MEIS1: variants seen among roughly 807,000 people sequenced by gnomAD.
The protein encoded by MEIS1 is homeobox protein Meis1.
MEIS1 carries 5 observed loss-of-function variants against 50.8 expected under a neutral mutation model. The ratio of observed to expected loss-of-function variants is 0.10; its 90% CI spans 0.05 to 0.21. The LOEUF (loss-of-function observed/expected upper bound fraction) is 0.21. Among genes scored for constraint, MEIS1 ranks in the 10% least tolerant of loss-of-function variants. MEIS1 has a pLI of 1.00. For missense variants in MEIS1, 318 were observed against 517.3 expected (o/e 0.61, Z 3.74); for synonymous variants, 176 against 179.3 (o/e 0.98, Z 0.15).
At chr2:66,523,112 A>C (rs1448826856) in intron 8 of MEIS1, among the ~76,000 whole-genome samples, 9 of 152,236 alleles carry the variant, frequency 5.9e-5, no homozygotes, top group Non-Finnish European at 1.0e-4. Flanking sequence ...ATAGCAATTT[A>C]AGGGAAATAT....
rs554392518 is a variant in MEIS1 at position 66,531,813 on chromosome 2, A to G, written c.889-16130A>G. 2.6e-5 allele frequency among the ~76,000 whole-genome samples: 4 copies of G among 152,306 alleles called. No homozygotes were observed. The East Asian group carries it at 7.7e-4, about 29-fold the overall frequency. ...CAGCAGGGCCAAGGATGCGGCGGCC[A>G]TTAATCATGAGCTGCCATCTTGAGC... On this transcript the variant is annotated intron_variant, in intron 8 of 12. Coordinates refer to ENST00000272369, the MANE Select transcript of MEIS1 (RefSeq NM_002398.3).
rs887358381 is a variant in MEIS1 at position 66,465,708 on chromosome 2, A to G, written c.742+1488A>G. Among the ~76,000 whole-genome samples the G allele has an allele frequency of 1.9e-4, 29 of 152,208 alleles. 1 individual carries two copies. The highest frequency in any genetic ancestry group is 1.5e-3 in the Admixed American group (23 of 15,282). On this transcript the variant is annotated intron_variant, in intron 7 of 12. Coordinates refer to ENST00000272369, the MANE Select transcript of MEIS1 (RefSeq NM_002398.3). ...ACTTATATCATCTGAGAATAGGTAGATAGTTCAGCTGCTGCATTGAAGGCT... is the reference window on the plus strand; with the variant it reads ...ACTTATATCATCTGAGAATAGGTAGGTAGTTCAGCTGCTGCATTGAAGGCT...
chr2:66,540,409 A>G (rs188228165), intron 8 of MEIS1, among the ~76,000 whole-genome samples: 11 of 152,156 alleles, frequency 7.2e-5, no homozygotes, highest in Admixed American at 2.6e-4. Context: ...CCTGGGTTCA[A>G]GTGGATTCTC....
rs946785842 is a variant in MEIS1 at position 66,567,668 on chromosome 2, T to C, written c.1024+157T>C. 11 of 721,734 alleles carry C rather than the reference T, an allele frequency of 1.5e-5. No individual in the cohort carries two copies. The Admixed American group carries it at 2.2e-4, about 14-fold the overall frequency. The allele number at this position is 721,734 out of a possible 1,614,324, so 44.7% of individuals were successfully genotyped here. A position where few individuals can be genotyped will look rare whatever the true frequency, so the allele number is the denominator to read the frequency against. On this transcript the variant is annotated intron_variant, in intron 10 of 12. Coordinates refer to ENST00000272369, the MANE Select transcript of MEIS1 (RefSeq NM_002398.3). Reference sequence around the variant, plus strand: ...CAGTTTCGTTTCATAACAACACTAATCAATTTAACATCATTATAAAACGTT... The same window carrying C: ...CAGTTTCGTTTCATAACAACACTAACCAATTTAACATCATTATAAAACGTT...
chr2:66,518,531 A>G (rs7586211), intron 8 of MEIS1, among the ~76,000 whole-genome samples: 130,421 of 152,262 alleles, frequency 0.86, 56,696 homozygotes, highest in South Asian at 0.93. Flanking sequence ...TGTTACTGAT[A>G]CACCTAACTG....
At chr2:66,444,597 T>A (rs866673638) in intron 6 of MEIS1, among the ~76,000 whole-genome samples, 2 of 152,196 alleles carry the variant, frequency 1.3e-5, no homozygotes, top group Non-Finnish European at 2.9e-5. Context: ...ACACGCAGCG[T>A]GCGCAATCCC....
At chr2:66,553,493 A>G (rs1000036660) in intron 9 of MEIS1, among the ~76,000 whole-genome samples, 9 of 152,242 alleles carry the variant, frequency 5.9e-5, no homozygotes, top group African/African-American at 2.2e-4. Flanking sequence ...CTAGTTGCTC[A>G]TAAGAAAATA....
intron 7 of MEIS1, among the ~76,000 whole-genome samples, chr2:66,490,608 T>G (rs2103805728): frequency 6.6e-6 from 1 of 152,280 alleles, no homozygotes; most frequent in South Asian, 2.1e-4. Context: ...TTTTCTTTCT[T>G]TCAATGATTC....
At chr2:66,503,935 C>T (rs1673625266) in intron 7 of MEIS1, among the ~76,000 whole-genome samples, 1 of 151,672 alleles carries the variant, frequency 6.6e-6, no homozygotes, top group Admixed American at 6.6e-5. Context: ...TTGGTAGAGA[C>T]GGTGTTTCAC....
At chr2:66,469,811 T>C (rs1672724720) in intron 7 of MEIS1, among the ~76,000 whole-genome samples, 1 of 152,154 alleles carries the variant, frequency 6.6e-6, no homozygotes, top group South Asian at 2.1e-4. Context: ...CCACAGAAGA[T>C]ATTTTAATTT....
chr2:66,476,714 G>T (rs1009133913), intron 7 of MEIS1, among the ~76,000 whole-genome samples: 5 of 152,144 alleles, frequency 3.3e-5, no homozygotes, highest in African/African-American at 1.2e-4. Flanking sequence ...CAGCACCCTT[G>T]TCACGGGGCC....
Position 66,568,676 on chromosome 2 carries a change from G to A in MEIS1, c.1034G>A (p.Gly345Glu). 1 of 1,613,614 alleles carries A rather than the reference G, an allele frequency of 6.2e-7. No individual in the cohort carries two copies. The highest frequency in any genetic ancestry group is 8.5e-7 in the Non-Finnish European group (1 of 1,179,588). Residue 345 changes from glycine to glutamate, a missense_variant, in exon 11 of 13, where the codon GGA becomes GAA. This residue lies in a region of MEIS1 where 54 missense variants were observed against 75.0 expected (regional missense o/e 0.72). Transcript: ENST00000272369. Reference sequence around the variant, plus strand: ...TTCTGTACTTTTGTAGTAAGTCAAGGAACACCTTATAATCCTGATGGACAG... The same window carrying A: ...TTCTGTACTTTTGTAGTAAGTCAAGAAACACCTTATAATCCTGATGGACAG... Reference protein sequence around the residue: ...IDQSNRAVSQGTPYNPDGQPM... With the variant: ...IDQSNRAVSQETPYNPDGQPM...
intron 8 of MEIS1, among the ~76,000 whole-genome samples, chr2:66,531,949 T>C (rs756817198): frequency 6.6e-6 from 1 of 152,094 alleles, no homozygotes; most frequent in Non-Finnish European, 1.5e-5. Flanking sequence ...AAAAAAATCA[T>C]CGCAGACCTT....
intron 9 of MEIS1, among the ~76,000 whole-genome samples, chr2:66,565,001 C>T (rs1675311779): frequency 6.6e-6 from 1 of 151,948 alleles, no homozygotes; most frequent in Admixed American, 6.6e-5. Context: ...ATGGGGTGGC[C>T]TCTTAAGTAA....
intron 6 of MEIS1, among the ~76,000 whole-genome samples, chr2:66,445,804 TTTTCC>T (rs1348904866): frequency 1.1e-4 from 16 of 152,292 alleles, no homozygotes; most frequent in East Asian, 7.7e-4. Context: ...TAGTCCTTTC[TTTTCC>T]TTTCCTTTCC....
intron 8 of MEIS1, among the ~76,000 whole-genome samples, chr2:66,527,248 G>C (rs1259613565): frequency 6.6e-6 from 1 of 152,118 alleles, no homozygotes; most frequent in Non-Finnish European, 1.5e-5. Context: ...GACAGAAAAG[G>C]TTAAAGATCT....
rs376358636 is a variant in MEIS1, at chr2:66,464,137, C to T, written c.659C>T (p.Thr220Met). The part of the protein sequence containing the change: ...QPSWNRDHDD[T>M]ASTRSGGTPG... ...TCTTGGAACAGAGATCATGATGACA[C>T]GGCATCTACTCGTTCAGGAGGAACC... Residue 220 changes from threonine (T) to methionine (M), a missense_variant, in exon 7 of 13, where the codon ACG becomes ATG. Thr to Met is a moderately conservative substitution (Grantham distance 81, BLOSUM62 -1). This residue lies in a region of MEIS1 where 48 missense variants were observed against 50.9 expected (regional missense o/e 0.94). Coordinates refer to ENST00000272369, the MANE Select transcript of MEIS1 (RefSeq NM_002398.3). The T allele has an allele frequency of 1.1e-5, 17 of 1,603,378 alleles. No homozygotes were observed. Among genetic ancestry groups the T allele is most frequent in the Middle Eastern group, 1.7e-4 (1 of 6,036 alleles).
At chr2:66,445,397 T>C (rs1481112431) in intron 6 of MEIS1, 2 of 152,508 alleles carry the variant, frequency 1.3e-5, no homozygotes, top group African/African-American at 4.8e-5. Flanking sequence ...GCGCGACGAA[T>C]GAAGCACCAG....
chr2:66,519,144 G>A (rs1253183670), intron 8 of MEIS1, among the ~76,000 whole-genome samples: 2 of 152,102 alleles, frequency 1.3e-5, no homozygotes, highest in East Asian at 1.9e-4. Context: ...TTGTACTGAT[G>A]TAGGTCCATG....
Sources: allele counts gnomAD v4.1 joint callset (sites outside exome capture counted in the v4.1 genomes callset), GRCh38; gene constraint gnomAD v4.1.1; regional missense constraint gnomAD v4.1.1; transcripts MANE v1.5; gene names NCBI Gene and HGNC (gene_info 2026-07-23, HGNC 2026-07-21).